Variants in DOCK3 observed in about 807,000 individuals in gnomAD.
DOCK3 encodes dedicator of cytokinesis 3.
Under a neutral mutation model 265.6 loss-of-function variants are expected in DOCK3, and 60 were observed. The ratio of observed to expected loss-of-function variants is 0.23; its 90% confidence interval spans 0.18 to 0.28. The LOEUF (loss-of-function observed/expected upper bound fraction) is 0.28. Ranked by LOEUF, DOCK3 falls within the 10% of genes least tolerant of loss-of-function variation. The pLI, the probability that DOCK3 is intolerant of heterozygous loss-of-function variation, is 1.00. For synonymous variants in DOCK3, 881 were observed against 938.0 expected (o/e 0.94, Z 1.11); for missense variants, 1,981 against 2,594.3 (o/e 0.76, Z 5.14).
intron 5 of DOCK3, among the ~76,000 whole-genome samples, chr3:51,023,806 A>G (rs1390037250): frequency 6.6e-6 from 1 of 150,842 alleles, no homozygotes; most frequent in Non-Finnish European, 1.5e-5. Flanking sequence ...GTTGGTTTTC[A>G]CCTTTCTCTT....
At chr3:50,904,233 G>A (rs1335222179) in intron 4 of DOCK3, among the ~76,000 whole-genome samples, 2 of 152,182 alleles carry the variant, frequency 1.3e-5, no homozygotes, top group African/African-American at 4.8e-5. Context: ...ACGTGTGCAT[G>A]TGTCTTTATA....
intron 5 of DOCK3, among the ~76,000 whole-genome samples, chr3:50,997,150 T>C (rs2078314483): frequency 1.3e-5 from 2 of 152,234 alleles, no homozygotes; most frequent in East Asian, 1.9e-4. Context: ...TCTCTTTATC[T>C]CTGTATACCC....
chr3:50,876,315 A>G (rs908385990), intron 3 of DOCK3, among the ~76,000 whole-genome samples: 2 of 152,150 alleles, frequency 1.3e-5, no homozygotes, highest in Admixed American at 6.6e-5. Flanking sequence ...TCCATACTTA[A>G]GTATCTTTCT....
chr3:50,724,405 AGCACTTTTC>A (rs1394113162), intron 1 of DOCK3, among the ~76,000 whole-genome samples: 1 of 152,232 alleles, frequency 6.6e-6, no homozygotes, highest in Non-Finnish European at 1.5e-5. Flanking sequence ...TGTTTATTGC[AGCACTTTTC>A]GCAATAGCAA....
intron 12 of DOCK3, among the ~76,000 whole-genome samples, chr3:51,165,320 G>A (rs922912818): frequency 2.6e-5 from 4 of 152,100 alleles, no homozygotes; most frequent in Non-Finnish European, 4.4e-5. Flanking sequence ...AGTTATAATT[G>A]ACAAATAAAA....
chr3:51,139,118 C>T (rs2084932534), intron 9 of DOCK3, among the ~76,000 whole-genome samples: 1 of 152,022 alleles, frequency 6.6e-6, no homozygotes, highest in African/African-American at 2.4e-5. Context: ...ATCTTCACTC[C>T]AGGTCTCTAG....
chr3:51,004,020 C>T (rs1471663587), intron 5 of DOCK3, among the ~76,000 whole-genome samples: 9 of 152,114 alleles, frequency 5.9e-5, no homozygotes, highest in African/African-American at 2.2e-4. Flanking sequence ...TCCAATTATC[C>T]TTGTTGACTT....
intron 3 of DOCK3, among the ~76,000 whole-genome samples, chr3:50,861,828 ATGAGATGGCAGCAGAAGGT>A (rs2046926675): frequency 7.1e-6 from 1 of 141,586 alleles, no homozygotes; most frequent in Non-Finnish European, 1.5e-5. Flanking sequence ...GTCATTACAT[ATGAGATGGCAGCAGAAGGT>A]TGGGTCGTTT....
chr3:51,035,151 A>G (rs1425242996), intron 5 of DOCK3, among the ~76,000 whole-genome samples: 2 of 152,098 alleles, frequency 1.3e-5, no homozygotes, highest in Non-Finnish European at 2.9e-5. Context: ...CAATATTGGG[A>G]AATTGTCATT....
chr3:51,160,759 GC>G (rs1210812537), intron 12 of DOCK3, 57 bp downstream of exon 12: 1 of 1,566,528 alleles, frequency 6.4e-7, no homozygotes, highest in African/African-American at 1.3e-5. Flanking sequence ...TCCCAGCACT[GC>G]CCTTGAGAGT....
At chr3:51,242,205 C>T (rs912971437) in intron 21 of DOCK3, among the ~76,000 whole-genome samples, 2 of 152,122 alleles carry the variant, frequency 1.3e-5, no homozygotes, top group African/African-American at 4.8e-5. Flanking sequence ...CAGCTCTCAA[C>T]TCCTGGACTG....
intron 1 of DOCK3, among the ~76,000 whole-genome samples, chr3:50,750,126 T>C (rs2039696853): frequency 6.6e-6 from 1 of 152,124 alleles, no homozygotes; most frequent in African/African-American, 2.4e-5. Context: ...GAACTGTGTA[T>C]GTGAGGGATC....
intron 1 of DOCK3, among the ~76,000 whole-genome samples, chr3:50,722,694 G>A (rs1439002602): frequency 6.6e-6 from 1 of 151,618 alleles, no homozygotes; most frequent in African/African-American, 2.4e-5. Context: ...CTTTAGTATT[G>A]TAATAAATAT....
chr3:51,114,060 G>C (rs2083631121), intron 9 of DOCK3, among the ~76,000 whole-genome samples: 1 of 152,016 alleles, frequency 6.6e-6, no homozygotes, highest in Non-Finnish European at 1.5e-5. Flanking sequence ...AGTGAGCCAT[G>C]ATTGCATCAC....
chr3:50,829,230 A>G (rs973255211), intron 2 of DOCK3, among the ~76,000 whole-genome samples: 2 of 152,144 alleles, frequency 1.3e-5, no homozygotes, highest in African/African-American at 2.4e-5. Flanking sequence ...TTTTAGGTTC[A>G]TGGGTGTTTT....
chr3:50,754,157 C>CAAAAAAAA (rs71084110), intron 1 of DOCK3, among the ~76,000 whole-genome samples: 1 of 61,568 alleles, frequency 1.6e-5, no homozygotes, highest in African/African-American at 7.6e-5. Flanking sequence ...GACTCTGTCT[C>CAAAAAAAA]AAAAAAAAAA....
chr3:51,252,938 G>T (rs1445759799), intron 22 of DOCK3, among the ~76,000 whole-genome samples: 12 of 152,280 alleles, frequency 7.9e-5, no homozygotes, highest in African/African-American at 2.9e-4. Flanking sequence ...CCTGTCTTGT[G>T]CCAGTTTTCA....
chr3:50,813,989 G>A (rs1307081863), intron 2 of DOCK3, among the ~76,000 whole-genome samples: 7 of 152,116 alleles, frequency 4.6e-5, no homozygotes, highest in Admixed American at 3.9e-4. Flanking sequence ...CTGGGTAGGG[G>A]ATACAAAATG....
chr3:50,839,631 CTG>C (rs1559707530), intron 2 of DOCK3, among the ~76,000 whole-genome samples: 1 of 150,836 alleles, frequency 6.6e-6, no homozygotes, highest in Non-Finnish European at 1.5e-5. Flanking sequence ...TTTGTCATCT[CTG>C]TATCTTCTTT....
Sources: gnomAD v4.1 joint callset for allele counts (sites outside exome capture counted in the v4.1 genomes callset) on GRCh38, gnomAD v4.1.1 for gene constraint, MANE v1.5 for transcripts, NCBI Gene and HGNC (gene_info 2026-07-23, HGNC 2026-07-21) for gene names.